The following ENPP3 variants were observed in gnomAD, a reference collection of about 807,000 sequenced individuals.
The protein encoded by ENPP3 is ectonucleotide pyrophosphatase/phosphodiesterase family member 3.
In ENPP3, 104 loss-of-function variants were observed where a neutral mutation model predicts 117.8. The observed-to-expected ratio is 0.88, with a 90% confidence interval of 0.75 to 1.04. ENPP3 has a LOEUF of 1.04. Ranked by LOEUF, ENPP3 falls within the 50% of genes least tolerant of loss-of-function variation. The probability of loss-of-function intolerance (pLI) is 0.00; values close to 1 mark genes in which losing one functional copy is unlikely to be tolerated. For synonymous variants in ENPP3, 380 were observed against 349.9 expected, an observed-to-expected ratio of 1.09 and a Z score of -0.96; for missense variants, 1,026 against 1,051.9, an observed-to-expected ratio of 0.98 and a Z score of 0.34.
chr6:131,742,886 T>C (rs537511511), intron 24 of ENPP3, among the ~76,000 whole-genome samples: 3 of 152,314 alleles, frequency 2.0e-5, no homozygotes, highest in African/African-American at 7.2e-5. Context: ...TTATTCAAAG[T>C]AGAAGTGATC....
chr6:131,688,681 A>T (rs1384655884), intron 14 of ENPP3, among the ~76,000 whole-genome samples: 2 of 152,192 alleles, frequency 1.3e-5, no homozygotes, highest in African/African-American at 4.8e-5. Flanking sequence ...CTTCAACTTT[A>T]TGAAGGCTGA....
intron 1 of ENPP3, among the ~76,000 whole-genome samples, chr6:131,639,814 T>C (rs1778004698): frequency 6.6e-6 from 1 of 152,114 alleles, no homozygotes; most frequent in Admixed American, 6.5e-5. Context: ...TTATAGTAAA[T>C]GATTATAAAG....
chr6:131,732,630 C>T lies in ENPP3; in HGVS notation c.1954-958C>T, dbSNP rs557484841. ...GTTTCACTATGTTGAACCTCGGACT[C>T]TTGACCTCCAGTGATCCACCCGCCT... On this transcript the variant is annotated intron_variant, in intron 20 of 24. Coordinates refer to ENST00000357639, the MANE Select transcript of ENPP3 (RefSeq NM_005021.5). Among the ~76,000 whole-genome samples the T allele has an allele frequency of 1.1e-4, 17 of 151,348 alleles. No individual in the cohort carries two copies. In the East Asian group the frequency reaches 2.7e-3, roughly 24 times the overall value.
At position 131,740,290 on chromosome 6, in the gene ENPP3, C is replaced by G. The variant is rs1780499909; in HGVS notation, c.2367C>G (p.Asn789Lys). ...HYFVVLTSCK[N>K]KSHTPENCPG... ...TTGTGGTGCTGACCAGTTGTAAAAA[C>G]AAGAGCCACACACCGGAAAACTGCC... is the stretch of plus-strand genomic sequence containing the variant. The change falls in exon 24 of 25, where the codon AAC becomes AAG. Residue 789 changes from asparagine to lysine, a missense_variant. Coordinates refer to ENST00000357639, the MANE Select transcript of ENPP3 (RefSeq NM_005021.5). The G allele has an allele frequency of 6.2e-7, 1 of 1,613,216 alleles. No individual in the cohort carries two copies.
chr6:131,668,336 C>T (rs569663251), intron 6 of ENPP3, among the ~76,000 whole-genome samples: 6 of 148,662 alleles, frequency 4.0e-5, no homozygotes, highest in South Asian at 2.2e-4. Flanking sequence ...TCTCGCCCCC[C>T]CCTGAGGATC....
At chr6:131,654,112 A>T (rs1201230069) in intron 5 of ENPP3, among the ~76,000 whole-genome samples, 33 of 73,618 alleles carry the variant, frequency 4.5e-4, no homozygotes, top group Admixed American at 7.1e-4. Flanking sequence ...TTTAAGTTTT[A>T]TTATTATTAT....
intron 12 of ENPP3, among the ~76,000 whole-genome samples, chr6:131,684,570 T>C (rs1779107207): frequency 1.3e-5 from 2 of 151,846 alleles, no homozygotes; most frequent in South Asian, 2.1e-4. Context: ...CCCCAGCTAC[T>C]TGGGAGGCTG....
chr6:131,718,874 C>T (rs542139023), intron 16 of ENPP3, 136 bp downstream of exon 16: 2 of 513,798 alleles, frequency 3.9e-6, no homozygotes, highest in Middle Eastern at 5.3e-4. Flanking sequence ...AGATGTTAAG[C>T]CTAGTTACTG....
intron 20 of ENPP3, among the ~76,000 whole-genome samples, chr6:131,727,572 A>C (rs541483811): frequency 7.9e-5 from 12 of 151,916 alleles, no homozygotes; most frequent in African/African-American, 2.7e-4. Context: ...AAAAAAAAAA[A>C]AAAAAACAGC....
chr6:131,679,262 T>A (rs1183179129), intron 11 of ENPP3, among the ~76,000 whole-genome samples: 1 of 151,430 alleles, frequency 6.6e-6, no homozygotes, highest in Non-Finnish European at 1.5e-5. Flanking sequence ...GCTAGGCTAA[T>A]TTTTGTATTT....
intron 6 of ENPP3, among the ~76,000 whole-genome samples, chr6:131,669,698 T>C (rs1450097565): frequency 1.6e-5 from 2 of 126,636 alleles, no homozygotes; most frequent in African/African-American, 3.5e-5. Flanking sequence ...GAAGGAAAAG[T>C]AGATTTTTTT....
At chr6:131,734,524 T>C (rs537509554) in intron 21 of ENPP3, among the ~76,000 whole-genome samples, 2 of 152,296 alleles carry the variant, frequency 1.3e-5, no homozygotes, top group South Asian at 4.1e-4. Flanking sequence ...TGAGTTAGGA[T>C]AAATTAACTG....
chr6:131,726,054 A>G lies in ENPP3; in HGVS notation c.1807A>G (p.Thr603Ala), dbSNP rs370406631. ...LNLTQEEITA[T>A]VKVNLPFGRP... is the part of the protein sequence containing the mutation. The stretch of plus-strand genomic sequence containing the variant: ...TGTTATTTTAATTTTAGTAACAGCA[A>G]CAGTGAAAGTAAATTTGCCATTTGG... Residue 603 changes from threonine (T) to alanine (A), a missense_variant, in exon 20 of 25, where the codon ACA (threonine) becomes GCA (alanine). By Grantham distance (58) the Thr-to-Ala change is moderately conservative. Transcript: ENST00000357639. 25 of 1,609,158 alleles carry G rather than the reference A, an allele frequency of 1.6e-5. No homozygotes were observed. In the African/African-American group the frequency reaches 1.9e-4, roughly 12 times the overall value.
intron 6 of ENPP3, among the ~76,000 whole-genome samples, chr6:131,668,333 C>G (rs1261946439): frequency 2.0e-5 from 3 of 148,304 alleles, no homozygotes; most frequent in East Asian, 2.3e-4. Flanking sequence ...CTGTCTCGCC[C>G]CCCCCTGAGG....
chr6:131,697,840 G>A (rs1779442834), intron 15 of ENPP3, among the ~76,000 whole-genome samples: 1 of 152,070 alleles, frequency 6.6e-6, no homozygotes, highest in African/African-American at 2.4e-5. Context: ...ATGGCCCAGG[G>A]GTTGGGGACC....
chr6:131,649,240 A>G (rs1778212466), intron 2 of ENPP3, among the ~76,000 whole-genome samples: 1 of 151,982 alleles, frequency 6.6e-6, no homozygotes, highest in African/African-American at 2.4e-5. Context: ...TATTTTCCAG[A>G]GTGACTTTCT....
intron 24 of ENPP3, among the ~76,000 whole-genome samples, chr6:131,743,435 G>A (rs1327275796): frequency 3.3e-5 from 5 of 151,904 alleles, no homozygotes; most frequent in African/African-American, 1.2e-4. Flanking sequence ...TATGAAGTTT[G>A]TAAAGATTAA....
At chr6:131,653,472 T>C (rs1012345557) in intron 5 of ENPP3, among the ~76,000 whole-genome samples, 14 of 152,266 alleles carry the variant, frequency 9.2e-5, no homozygotes, top group East Asian at 1.9e-4. Flanking sequence ...AACAAATTGA[T>C]TGGAATATTA....
chr6:131,663,021 C>G (rs1297001665), intron 6 of ENPP3, among the ~76,000 whole-genome samples: 1 of 151,918 alleles, frequency 6.6e-6, no homozygotes, highest in Non-Finnish European at 1.5e-5. Context: ...GATTTTGTAT[C>G]CTGCAATTTT....
Sources: allele counts gnomAD v4.1 joint callset (sites outside exome capture counted in the v4.1 genomes callset), GRCh38; gene constraint gnomAD v4.1.1; transcripts MANE v1.5; gene names NCBI Gene and HGNC (gene_info 2026-07-23, HGNC 2026-07-21).